The following SMARCA4 variants were observed in gnomAD, a reference collection of about 807,000 sequenced individuals.
SMARCA4 encodes the protein SWI/SNF-related matrix-associated actin-dependent regulator of chromatin subfamily A member 4.
SMARCA4 carries 31 observed loss-of-function variants against 193.9 expected under a neutral mutation model. That is an observed-to-expected ratio of 0.16 (90% confidence interval 0.12 to 0.22). The LOEUF (loss-of-function observed/expected upper bound fraction) is 0.22. SMARCA4 is among the 10% of genes least tolerant of loss of function. SMARCA4 has a pLI of 1.00. For missense variants in SMARCA4, 1,148 were observed against 2,296.0 expected (o/e 0.50, Z 10.22); for synonymous variants, 942 against 933.1 (o/e 1.01, Z -0.17).
chr19:11,016,886 C>T (rs956209244), intron 16 of SMARCA4, among the ~76,000 whole-genome samples: 3 of 152,066 alleles, frequency 2.0e-5, no homozygotes, highest in Non-Finnish European at 4.4e-5. Context: ...GTCTATTTCC[C>T]GCCCACTCCC....
At chr19:11,048,908 G>A (rs1213408619) in intron 30 of SMARCA4, among the ~76,000 whole-genome samples, 5 of 152,182 alleles carry the variant, frequency 3.3e-5, no homozygotes, top group South Asian at 4.1e-4. Context: ...CCATGAGGCC[G>A]CTCCTCCCAA....
chr19:11,027,104 C>T (rs1467993149), intron 23 of SMARCA4, among the ~76,000 whole-genome samples: 1 of 152,234 alleles, frequency 6.6e-6, no homozygotes, highest in Non-Finnish European at 1.5e-5. Flanking sequence ...AAGCATTCTT[C>T]CAGCTAAAGC....
chr19:11,053,361 G>A (rs1269982027), intron 30 of SMARCA4, among the ~76,000 whole-genome samples: 2 of 149,502 alleles, frequency 1.3e-5, no homozygotes, highest in Non-Finnish European at 3.0e-5. Flanking sequence ...GTGGGTGCCT[G>A]TAATCCCAGC....
chr19:11,038,789 A>G (rs1286003570), intron 29 of SMARCA4, among the ~76,000 whole-genome samples: 1 of 152,130 alleles, frequency 6.6e-6, no homozygotes, highest in Non-Finnish European at 1.5e-5. Context: ...GGGATAAGTT[A>G]TTAGTACCAT....
At chr19:11,009,573 C>T (rs2088609002) in intron 14 of SMARCA4, among the ~76,000 whole-genome samples, 1 of 152,094 alleles carries the variant, frequency 6.6e-6, no homozygotes, top group Non-Finnish European at 1.5e-5. Flanking sequence ...GGCTGGAGTG[C>T]AGTGGCTCGA....
rs1368792059 is a variant in SMARCA4 at position 11,033,908 on chromosome 19, C to T, written c.3873+43C>T. Reference sequence around the variant, plus strand: ...GTCTCCATGCCCATTCAATCCTCGGCTTCTCGGCTGAGACGGCCAGCAAGG... The same window carrying T: ...GTCTCCATGCCCATTCAATCCTCGGTTTCTCGGCTGAGACGGCCAGCAAGG... On this transcript the variant is annotated intron_variant, in intron 27 of 34. Coordinates refer to ENST00000344626, the MANE Select transcript of SMARCA4 (RefSeq NM_003072.5). This position sits in a 1 kb window ranked among gnomAD's most constrained non-coding sequence, Gnocchi z 9.8. The T allele has an allele frequency of 5.2e-6, 4 of 767,986 alleles. No homozygotes were observed. The highest frequency in any genetic ancestry group is 3.4e-5 in the African/African-American group (2 of 59,024). The allele number at this position is 767,986 out of a possible 1,614,324, so 47.6% of individuals were successfully genotyped here. A position where few individuals can be genotyped will look rare whatever the true frequency, so the allele number is the denominator to read the frequency against.
At chr19:11,037,419 G>GT (rs1210372481) in intron 29 of SMARCA4, among the ~76,000 whole-genome samples, 1 of 152,204 alleles carries the variant, frequency 6.6e-6, no homozygotes, top group African/African-American at 2.4e-5. Flanking sequence ...ATGGTGTGGA[G>GT]TATCTGTTCA....
chr19:11,011,870 A>G (rs2088882777), intron 15 of SMARCA4: 2 of 152,412 alleles, frequency 1.3e-5, no homozygotes, highest in Admixed American at 1.3e-4. Flanking sequence ...GGGCACCACC[A>G]GGTGGCCTAA....
Position 11,019,745 on chromosome 19 carries a change from T to G in SMARCA4, c.2616+44T>G. Reference sequence around the variant, plus strand: ...AAATGCCAGGCCATGGGCCGAGTGCTCACACGTGGGTCACGCTGCCCGTCT... The same window carrying G: ...AAATGCCAGGCCATGGGCCGAGTGCGCACACGTGGGTCACGCTGCCCGTCT... On this transcript the variant is annotated intron_variant, in intron 18 of 34. Transcript: ENST00000344626. The surrounding 1 kb of genome is among the most constrained non-coding windows in gnomAD (Gnocchi z 6.1). 1 of 1,383,624 alleles carries G rather than the reference T, an allele frequency of 7.2e-7. No individual in the cohort carries two copies. The highest frequency in any genetic ancestry group is 2.3e-5 in the East Asian group (1 of 43,446). 85.7% of individuals were successfully genotyped at this position (1,383,624 alleles called of 1,614,324 possible).
intron 8 of SMARCA4, among the ~76,000 whole-genome samples, chr19:10,993,405 G>C (rs542911064): frequency 4.3e-4 from 65 of 152,312 alleles, no homozygotes; most frequent in Middle Eastern, 6.8e-3. Context: ...AGGACATGCA[G>C]CATGTTTCAG....
intron 1 of SMARCA4, among the ~76,000 whole-genome samples, chr19:10,975,395 T>A (rs1007839266): frequency 6.8e-6 from 1 of 147,456 alleles, no homozygotes; most frequent in Non-Finnish European, 1.5e-5. Flanking sequence ...CACTGCAACC[T>A]CCACCTCCCG....
rs567625657 is a variant in SMARCA4 at position 11,057,694 on chromosome 19, G to T, written c.4425-561G>T. On this transcript the variant is annotated intron_variant, in intron 30 of 34. Transcript: ENST00000344626. Reference sequence around the variant, plus strand: ...CAGTGAGCCGAGATCATTCCATTGCGCTCCAGTCTGGCGACAGAACAAGAC... The same window carrying T: ...CAGTGAGCCGAGATCATTCCATTGCTCTCCAGTCTGGCGACAGAACAAGAC... Among the ~76,000 whole-genome samples the T allele has an allele frequency of 6.6e-5, 10 of 150,716 alleles. No homozygotes were observed. The South Asian group carries it at 2.1e-3, about 32-fold the overall frequency.
intron 14 of SMARCA4, among the ~76,000 whole-genome samples, chr19:11,009,007 CTTTTTTTTTTTTTTTTTTT>C (rs762148337): frequency 2.0e-4 from 8 of 40,950 alleles, no homozygotes; most frequent in Admixed American, 4.9e-4. Context: ...ATAAAAGTCA[CTTTTTTTTTTTTTTTTTTT>C]TTTTTTTTTT....
At chr19:11,032,928 G>C (rs1390938370) in intron 25 of SMARCA4, among the ~76,000 whole-genome samples, 1 of 152,268 alleles carries the variant, frequency 6.6e-6, no homozygotes, top group Admixed American at 6.5e-5. Context: ...TCGGCCCCCT[G>C]TTGTAAATGG....
chr19:11,000,459 C>T (rs1209798730), intron 11 of SMARCA4, among the ~76,000 whole-genome samples: 2 of 152,024 alleles, frequency 1.3e-5, no homozygotes, highest in African/African-American at 4.8e-5. Flanking sequence ...CCCAGGAGGT[C>T]CAGGCTGCAG....
At chr19:11,008,231 A>G in intron 14 of SMARCA4, 2 of 532,250 alleles carry the variant, frequency 3.8e-6, no homozygotes, top group African/African-American at 1.9e-5. Flanking sequence ...ATGGTTCACC[A>G]TATGCTTACG....
intron 16 of SMARCA4, among the ~76,000 whole-genome samples, chr19:11,016,788 C>A (rs1292831231): frequency 6.6e-6 from 1 of 152,132 alleles, no homozygotes; most frequent in Non-Finnish European, 1.5e-5. Flanking sequence ...TCAGTTGGCT[C>A]TTCTGTCCTT....
chr19:11,060,198 GC>G lies in SMARCA4; in HGVS notation c.4911+16del, dbSNP rs769996403. 6.4e-7 allele frequency: 1 copy of G among 1,550,516 alleles called. No homozygotes were observed. The highest frequency in any genetic ancestry group is 1.2e-5 in the South Asian group (1 of 83,988). ...GAGGAACAAGAGGAGGTGAGGCCGG[GC>G]CCCCGAGCAGGCAGAGCTGGCATGT... On this transcript the variant is annotated intron_variant, in intron 34 of 34. Coordinates refer to ENST00000344626, the MANE Select transcript of SMARCA4 (RefSeq NM_003072.5).
intron 30 of SMARCA4, among the ~76,000 whole-genome samples, chr19:11,057,701 T>C (rs1020216555): frequency 3.4e-5 from 5 of 148,566 alleles, no homozygotes; most frequent in South Asian, 2.1e-4. Context: ...TGCGCTCCAG[T>C]CTGGCGACAG....
Sources: gnomAD v4.1 joint callset for allele counts (sites outside exome capture counted in the v4.1 genomes callset) on GRCh38, gnomAD v4.1.1 for gene constraint, Gnocchi (gnomAD v3.1) non-coding constraint, MANE v1.5 for transcripts, NCBI Gene and HGNC (gene_info 2026-07-23, HGNC 2026-07-21) for gene names.